NCK1: variants seen among roughly 807,000 people sequenced by gnomAD.
The protein encoded by NCK1 is NCK adaptor protein 1.
In NCK1, 19 loss-of-function variants were observed where a neutral mutation model predicts 36.6. That is an observed-to-expected ratio of 0.52 (90% confidence interval 0.36 to 0.76). The LOEUF is 0.76. Among genes scored for constraint, NCK1 ranks in the 30% least tolerant of loss-of-function variants. NCK1 has a pLI of 0.00. For missense variants in NCK1, 358 were observed against 445.6 expected (o/e 0.80, Z 1.77); for synonymous variants, 165 against 156.0 (o/e 1.06, Z -0.43).
chr3:136,935,489 G>C (rs1940507088), intron 2 of NCK1, among the ~76,000 whole-genome samples: 1 of 152,078 alleles, frequency 6.6e-6, no homozygotes, highest in Admixed American at 6.5e-5. Flanking sequence ...GTGATGTCAT[G>C]TGATTGCAGC....
At position 136,950,252 on chromosome 3, in the gene NCK1, A is replaced by G. The variant is rs1198671316; in HGVS notation, c.*1799A>G. Among the ~76,000 whole-genome samples the G allele has an allele frequency of 6.6e-6, 1 of 152,052 alleles. No individual in the cohort carries two copies. The highest frequency in any genetic ancestry group is 1.5e-5 in the Non-Finnish European group (1 of 67,950). ...TCTGGGTTTTCCCCCAGTCTTCCTT[A>G]TGAAAAAAATGTATGTTTGTAAAAA... On this transcript the variant is annotated 3_prime_UTR_variant, in exon 4 of 4. Coordinates refer to ENST00000481752, the MANE Select transcript of NCK1 (RefSeq NM_001291999.2).
chr3:136,937,588 T>C (rs981987769), intron 2 of NCK1, among the ~76,000 whole-genome samples: 1 of 152,222 alleles, frequency 6.6e-6, no homozygotes, highest in African/African-American at 2.4e-5. Context: ...AGAATATCTT[T>C]CCGTTTATTT....
At chr3:136,922,098 A>G (rs560259453) in intron 1 of NCK1, among the ~76,000 whole-genome samples, 102 of 152,192 alleles carry the variant, frequency 6.7e-4, no homozygotes, top group Non-Finnish European at 1.3e-3. Flanking sequence ...GTGGTTTTTA[A>G]GGGCAATAGG....
chr3:136,930,507 G>T (rs978586933), intron 2 of NCK1: 1 of 1,373,422 alleles, frequency 7.3e-7, no homozygotes, highest in Admixed American at 2.9e-5. Flanking sequence ...AGCTCACTGA[G>T]AATTATCCTG....
At chr3:136,904,414 A>G (rs765194182) in intron 1 of NCK1, among the ~76,000 whole-genome samples, 7 of 152,106 alleles carry the variant, frequency 4.6e-5, no homozygotes, top group Non-Finnish European at 7.4e-5. Context: ...CAGCCTCCCA[A>G]AGTGCTAGGA....
intron 1 of NCK1, among the ~76,000 whole-genome samples, chr3:136,874,446 C>T (rs1182784261): frequency 6.6e-6 from 1 of 152,230 alleles, no homozygotes; most frequent in Non-Finnish European, 1.5e-5. Flanking sequence ...ACCCAAAGTG[C>T]TGGGATTACA....
chr3:136,882,233 T>C (rs1417679870), intron 1 of NCK1, among the ~76,000 whole-genome samples: 22 of 152,212 alleles, frequency 1.4e-4, no homozygotes, highest in South Asian at 2.1e-4. Context: ...AATGGTGATA[T>C]CTCTGTGGTT....
At chr3:136,916,912 A>G (rs574629253) in intron 1 of NCK1, among the ~76,000 whole-genome samples, 2 of 152,326 alleles carry the variant, frequency 1.3e-5, no homozygotes, top group South Asian at 2.1e-4. Flanking sequence ...AGCAGTGGCT[A>G]CAACCCAAGT....
chr3:136,940,322 T>A (rs1940638934), intron 2 of NCK1, among the ~76,000 whole-genome samples: 1 of 152,232 alleles, frequency 6.6e-6, no homozygotes, highest in South Asian at 2.1e-4. Flanking sequence ...AGGCCTCTAT[T>A]TCCTTAATGA....
intron 1 of NCK1, among the ~76,000 whole-genome samples, chr3:136,880,716 T>A (rs1322089652): frequency 6.6e-6 from 1 of 152,142 alleles, no homozygotes; most frequent in Non-Finnish European, 1.5e-5. Flanking sequence ...GGGATCCTCA[T>A]GTTTCAACCT....
intron 1 of NCK1, among the ~76,000 whole-genome samples, chr3:136,889,764 C>A (rs12633003): frequency 0.68 from 103,645 of 151,944 alleles, 35,642 homozygotes; most frequent in East Asian, 0.87. Context: ...GAGTAGCTAG[C>A]TACGGAGTGT....
intron 1 of NCK1, among the ~76,000 whole-genome samples, chr3:136,927,434 C>T (rs535084157): frequency 9.9e-5 from 15 of 152,282 alleles, no homozygotes; most frequent in African/African-American, 3.6e-4. Context: ...GAACATTTTT[C>T]ATTGGGTAGT....
Position 136,930,713 on chromosome 3 carries a change from G to A in NCK1, c.226+2486G>A, listed in dbSNP as rs952712744. On this transcript the variant is annotated intron_variant, in intron 2 of 3. Transcript: ENST00000481752. ...GGGTTTATGTAAGCTACTACATTAT[G>A]TGTATGTAATATAAACCAAATGATT... is the stretch of plus-strand genomic sequence containing the variant. 1.4e-5 allele frequency: 11 copies of A among 800,676 alleles called. No individual in the cohort carries two copies. The African/African-American group carries it at 1.8e-4, about 13-fold the overall frequency. The allele number at this position is 800,676 out of a possible 1,614,324, so 49.6% of individuals were successfully genotyped here.
At chr3:136,924,883 G>A (rs1435842757) in intron 1 of NCK1, among the ~76,000 whole-genome samples, 1 of 152,114 alleles carries the variant, frequency 6.6e-6, no homozygotes, top group Non-Finnish European at 1.5e-5. Flanking sequence ...GGCATATATG[G>A]GTTAAAAAAG....
intron 1 of NCK1, among the ~76,000 whole-genome samples, chr3:136,906,050 C>T (rs1939676617): frequency 6.6e-6 from 1 of 152,092 alleles, no homozygotes; most frequent in Non-Finnish European, 1.5e-5. Context: ...GTAACAGTTG[C>T]TCCTTCTAAT....
intron 1 of NCK1, among the ~76,000 whole-genome samples, chr3:136,920,341 A>C (rs1276668539): frequency 1.3e-5 from 2 of 152,186 alleles, no homozygotes; most frequent in African/African-American, 4.8e-5. Flanking sequence ...CAATATGAGA[A>C]GGCACAAAAT....
intron 1 of NCK1, among the ~76,000 whole-genome samples, chr3:136,881,219 AT>A (rs1404764331): frequency 2.0e-5 from 3 of 152,012 alleles, no homozygotes; most frequent in Non-Finnish European, 4.4e-5. Flanking sequence ...TTGGCCTCTT[AT>A]TTTATTTAAT....
chr3:136,932,841 T>G (rs1038862550), intron 2 of NCK1, among the ~76,000 whole-genome samples: 1 of 152,230 alleles, frequency 6.6e-6, no homozygotes, highest in African/African-American at 2.4e-5. Context: ...GAATTGTAGT[T>G]GACTAAGGAA....
In NCK1 at chr3:136,936,751, T is replaced by C. The variant is rs564446192; in HGVS notation, c.226+8524T>C. Among the ~76,000 whole-genome samples, 6 of 152,356 alleles carry C rather than the reference T, an allele frequency of 3.9e-5. No homozygotes were observed. The South Asian group carries it at 1.2e-3, about 32-fold the overall frequency. On this transcript the variant is annotated intron_variant, in intron 2 of 3. Transcript: ENST00000481752. ...ACTAATGATATTGAGGATCTTTTCA[T>C]GTGCCTGTTGGCCATTCGTATACCG...
Sources: allele counts gnomAD v4.1 joint callset (sites outside exome capture counted in the v4.1 genomes callset), GRCh38; gene constraint gnomAD v4.1.1; transcripts MANE v1.5; gene names NCBI Gene and HGNC (gene_info 2026-07-23, HGNC 2026-07-21).